The following FSTL4 variants were observed in gnomAD, a reference collection of about 807,000 sequenced individuals.
The protein encoded by FSTL4 is follistatin like 4.
A neutral mutation model predicts 78.2 loss-of-function variants in FSTL4; 28 were observed. That is an observed-to-expected ratio of 0.36 (90% CI 0.27 to 0.49). FSTL4 has a LOEUF of 0.49. FSTL4 is among the 20% of genes least tolerant of loss of function. FSTL4 has a pLI of 0.98. For missense variants in FSTL4, 922 were observed against 1,084.9 expected (o/e 0.85, Z 2.11); for synonymous variants, 422 against 440.5 (o/e 0.96, Z 0.53).
At chr5:133,395,853 C>T (rs1756026141) in intron 4 of FSTL4, among the ~76,000 whole-genome samples, 1 of 152,146 alleles carries the variant, frequency 6.6e-6, no homozygotes, top group Non-Finnish European at 1.5e-5. Flanking sequence ...GAATTCTTAC[C>T]CCAGGCTCCA....
chr5:133,287,759 G>C (rs1753169417), intron 6 of FSTL4, among the ~76,000 whole-genome samples: 1 of 152,198 alleles, frequency 6.6e-6, no homozygotes, highest in Non-Finnish European at 1.5e-5. Flanking sequence ...TGTATTCTGT[G>C]TCCTCCAGCC....
the FSTL4 span, among the ~76,000 whole-genome samples, chr5:133,832,395 C>G: frequency 6.6e-6 from 1 of 152,088 alleles, no homozygotes; most frequent in Non-Finnish European, 1.5e-5. Context: ...CTGTTGTTAT[C>G]AAGTTGTAAA....
chr5:133,742,898 G>T, the FSTL4 span, among the ~76,000 whole-genome samples: 1 of 152,120 alleles, frequency 6.6e-6, no homozygotes, highest in African/African-American at 2.4e-5. Context: ...TCCCCGGACT[G>T]CCTGGTGACG....
At chr5:133,372,734 G>A (rs901913862) in intron 4 of FSTL4, among the ~76,000 whole-genome samples, 1 of 152,178 alleles carries the variant, frequency 6.6e-6, no homozygotes, top group African/African-American at 2.4e-5. Flanking sequence ...CTCCTCTCTG[G>A]AGAGTTCAGG....
rs150857792 is a variant in FSTL4 at position 133,501,609 on chromosome 5, G to A, written c.160+65577C>T. 9.3e-4 allele frequency among the ~76,000 whole-genome samples: 142 copies of A among 152,294 alleles called. No individual in the cohort carries two copies. The South Asian group carries it at 0.014, about 15-fold the overall frequency. On this transcript the variant is annotated intron_variant, in intron 3 of 15. Transcript: ENST00000265342. ...CAATTATTTAAAGGGCACCTTTGAA[G>A]ACTATGGTAGGCAGAATTCTAAAAA... is the stretch of plus-strand genomic sequence containing the variant.
At chr5:133,671,163 A>G in the FSTL4 span, among the ~76,000 whole-genome samples, 3 of 152,220 alleles carry the variant, frequency 2.0e-5, no homozygotes, top group African/African-American at 7.2e-5. Context: ...GATGGCAGAC[A>G]GCCTCTGGGA....
chr5:133,463,687 T>C (rs2112840733), intron 3 of FSTL4, among the ~76,000 whole-genome samples: 1 of 152,384 alleles, frequency 6.6e-6, no homozygotes, highest in Middle Eastern at 3.4e-3. Context: ...CATACAGCTA[T>C]GAAGATTAAA....
intron 4 of FSTL4, among the ~76,000 whole-genome samples, chr5:133,360,834 C>G (rs139737077): frequency 6.6e-6 from 1 of 152,182 alleles, no homozygotes; most frequent in Admixed American, 6.5e-5. Flanking sequence ...TGAGATGGCG[C>G]GTCCCATTCT....
chr5:133,655,345 G>C, the FSTL4 span, among the ~76,000 whole-genome samples: 1 of 152,090 alleles, frequency 6.6e-6, no homozygotes, highest in Non-Finnish European at 1.5e-5. Context: ...TGCCAGAATG[G>C]GCTTCTGGAA....
At chr5:133,681,605 G>A in the FSTL4 span, among the ~76,000 whole-genome samples, 1 of 152,218 alleles carries the variant, frequency 6.6e-6, no homozygotes, top group Non-Finnish European at 1.5e-5. Flanking sequence ...CATTGATAAT[G>A]TGATGTACTT....
chr5:133,221,891 G>GTTTTTTTTTTTTTTTTTTT lies in FSTL4; in HGVS notation c.1340-1044_1340-1026dup, dbSNP rs59400068. Among the ~76,000 whole-genome samples, 3 of 43,360 alleles carry GTTTTTTTTTTTTTTTTTTT rather than the reference G, an allele frequency of 6.9e-5. 1 individual carries two copies. The highest frequency in any genetic ancestry group is 1.8e-4 in the Non-Finnish European group (3 of 16,686). The allele number at this position is 43,360 out of a possible 152,430, so 28.4% of individuals were successfully genotyped here. A position where few individuals can be genotyped will look rare whatever the true frequency, so the allele number is the denominator to read the frequency against. On this transcript the variant is annotated intron_variant, in intron 11 of 15. Transcript: ENST00000265342. ...AATATGTAGAAAAATCTCTTTTCTA[G>GTTTTTTTTTTTTTTTTTTT]TTTTTTTTTTTTTTTTTTTTTTTTT...
chr5:133,405,173 C>T (rs761345393), intron 3 of FSTL4, among the ~76,000 whole-genome samples: 1 of 152,254 alleles, frequency 6.6e-6, no homozygotes, highest in African/African-American at 2.4e-5. Context: ...GCCCCCAGCA[C>T]ACGACCTAGC....
intron 6 of FSTL4, among the ~76,000 whole-genome samples, chr5:133,305,424 C>G (rs187578489): frequency 2.6e-4 from 40 of 152,358 alleles, no homozygotes; most frequent in African/African-American, 9.4e-4. Context: ...CTTGGGATCA[C>G]ATGCTCCCCT....
intron 6 of FSTL4, among the ~76,000 whole-genome samples, chr5:133,272,471 GC>G (rs1279644612): frequency 6.6e-6 from 1 of 152,220 alleles, no homozygotes; most frequent in Non-Finnish European, 1.5e-5. Context: ...GCTTCTGGAG[GC>G]CCACAACTGA....
chr5:133,755,132 T>A, the FSTL4 span, among the ~76,000 whole-genome samples: 2 of 152,064 alleles, frequency 1.3e-5, no homozygotes, highest in African/African-American at 4.8e-5. Flanking sequence ...AACTCTCAGA[T>A]TTCCTTCTCT....
chr5:133,809,439 G>A, the FSTL4 span, among the ~76,000 whole-genome samples: 4 of 150,456 alleles, frequency 2.7e-5, no homozygotes, highest in African/African-American at 9.8e-5. Flanking sequence ...ACAGAGGAGT[G>A]CAGGAGTATC....
chr5:133,383,652 G>A (rs931525220), intron 4 of FSTL4, among the ~76,000 whole-genome samples: 24 of 152,170 alleles, frequency 1.6e-4, no homozygotes, highest in African/African-American at 5.6e-4. Flanking sequence ...CTGTTAATTG[G>A]CTGCTGCCTT....
the FSTL4 span, among the ~76,000 whole-genome samples, chr5:133,765,624 G>A: frequency 1.3e-5 from 2 of 152,188 alleles, no homozygotes; most frequent in Non-Finnish European, 2.9e-5. Flanking sequence ...TGATTCTTGG[G>A]AAGGCCCTTG....
the FSTL4 span, among the ~76,000 whole-genome samples, chr5:133,668,098 T>C: frequency 6.6e-6 from 1 of 152,216 alleles, no homozygotes; most frequent in African/African-American, 2.4e-5. Flanking sequence ...GTCCAGACTT[T>C]AGGGATGATT....
Sources: gnomAD v4.1 joint callset for allele counts (sites outside exome capture counted in the v4.1 genomes callset) on GRCh38, gnomAD v4.1.1 for gene constraint, MANE v1.5 for transcripts, NCBI Gene and HGNC (gene_info 2026-07-23, HGNC 2026-07-21) for gene names.